The following MAPK8 variants were observed in gnomAD, a reference collection of about 807,000 sequenced individuals.
MAPK8 encodes the protein mitogen-activated protein kinase 8, also known as JUN N-terminal kinase.
Under a neutral mutation model 52.9 loss-of-function variants are expected in MAPK8, and 13 were observed. The observed-to-expected ratio is 0.25, with a 90% CI of 0.16 to 0.39. The LOEUF (loss-of-function observed/expected upper bound fraction) is 0.39. Among genes scored for constraint, MAPK8 ranks in the 10% least tolerant of loss-of-function variants. The pLI is 1.00. For missense variants in MAPK8, 300 were observed against 519.2 expected, an observed-to-expected ratio of 0.58 and a Z score of 4.10; for synonymous variants, 191 against 169.8, an observed-to-expected ratio of 1.12 and a Z score of -0.97.
intron 1 of MAPK8, among the ~76,000 whole-genome samples, chr10:48,371,645 A>G (rs1309873573): frequency 6.6e-6 from 1 of 152,106 alleles, no homozygotes; most frequent in Non-Finnish European, 1.5e-5. Context: ...ACAGACACCA[A>G]CTGGGTGTCT....
At chr10:48,431,297 G>A in intron 11 of MAPK8, 27 bp downstream of exon 11, 2 of 1,501,402 alleles carry the variant, frequency 1.3e-6, no homozygotes, top group Non-Finnish European at 1.8e-6. Context: ...GCTTGGTTAA[G>A]ATTACAGTTT....
Position 48,424,134 on chromosome 10 carries a change from C to T in MAPK8, c.663C>T (p.His221=). The part of the protein sequence containing the change: ...VGCIMGEMVC[H]KILFPGRDYI... Reference sequence around the variant, plus strand: ...GCATTATGGGAGAAATGGTTTGCCACAAAATCCTCTTTCCAGGAAGGGACT... The same window carrying T: ...GCATTATGGGAGAAATGGTTTGCCATAAAATCCTCTTTCCAGGAAGGGACT... Residue 221 remains histidine (H), a synonymous_variant, in exon 7 of 12, where the codon CAC becomes CAT. Coordinates refer to ENST00000374189, the MANE Select transcript of MAPK8 (RefSeq NM_001323329.2). 1.2e-6 allele frequency: 2 copies of T among 1,613,226 alleles called. No individual in the cohort carries two copies. The highest frequency in any genetic ancestry group is 1.7e-6 in the Non-Finnish European group (2 of 1,179,436).
At chr10:48,327,002 T>C (rs978781593) in intron 1 of MAPK8, among the ~76,000 whole-genome samples, 3 of 152,250 alleles carry the variant, frequency 2.0e-5, no homozygotes, top group Non-Finnish European at 4.4e-5. Context: ...GACAATCATG[T>C]CATCTGCAAA....
chr10:48,313,867 T>C (rs1032894231), intron 1 of MAPK8, among the ~76,000 whole-genome samples: 2 of 152,260 alleles, frequency 1.3e-5, no homozygotes, highest in African/African-American at 4.8e-5. Context: ...GTGATTCTCC[T>C]GCCTCAGCCT....
intron 3 of MAPK8, among the ~76,000 whole-genome samples, chr10:48,409,298 T>G (rs192221562): frequency 1.4e-3 from 210 of 152,316 alleles, no homozygotes; most frequent in African/African-American, 4.6e-3. Context: ...ACCCTGAGCC[T>G]TCTTTTGTAA....
intron 1 of MAPK8, among the ~76,000 whole-genome samples, chr10:48,369,002 C>T (rs1848313747): frequency 6.6e-6 from 1 of 152,136 alleles, no homozygotes; most frequent in African/African-American, 2.4e-5. Context: ...CAGTTGTCTA[C>T]CCTTGGTTTA....
intron 1 of MAPK8, among the ~76,000 whole-genome samples, chr10:48,367,035 T>A (rs950351489): frequency 6.6e-6 from 1 of 152,210 alleles, no homozygotes; most frequent in Non-Finnish European, 1.5e-5. Context: ...AAATTTAATA[T>A]TGATTGAGGT....
At chr10:48,346,020 T>C (rs117736237) in intron 1 of MAPK8, among the ~76,000 whole-genome samples, 1,534 of 152,264 alleles carry the variant, frequency 0.01, 18 homozygotes, top group Non-Finnish European at 0.015. Flanking sequence ...GCAGAGCCAA[T>C]ATGGGAAGCA....
chr10:48,356,218 A>G (rs1370226826), intron 1 of MAPK8, among the ~76,000 whole-genome samples: 4 of 152,212 alleles, frequency 2.6e-5, no homozygotes, highest in African/African-American at 7.2e-5. Context: ...ATATATGTCA[A>G]TGATAGCACG....
intron 10 of MAPK8, chr10:48,429,885 T>C (rs889901705): frequency 6.6e-6 from 1 of 152,208 alleles, no homozygotes; most frequent in African/African-American, 2.4e-5. Flanking sequence ...TGAAATTCGA[T>C]GCAATATTTT....
rs182284503 is a variant in MAPK8, at chr10:48,310,977, A to G, written c.-50+4156A>G. Among the ~76,000 whole-genome samples the G allele has an allele frequency of 2.1e-5, 3 of 146,298 alleles. No homozygotes were observed. In the Admixed American group the frequency reaches 2.1e-4, roughly 10 times the overall value. On this transcript the variant is annotated intron_variant, in intron 1 of 11. Transcript: ENST00000374189. ...ACAATGATTGCTAGCGTGGGTTTTA[A>G]GGTCAGCCCTGAGTTCTAATCGTGC...
At chr10:48,326,328 T>G (rs1433100841) in intron 1 of MAPK8, among the ~76,000 whole-genome samples, 1 of 152,238 alleles carries the variant, frequency 6.6e-6, no homozygotes, top group Non-Finnish European at 1.5e-5. Flanking sequence ...TTGTTTCAGA[T>G]TTGGCCATTG....
At chr10:48,424,190 GT>G in intron 7 of MAPK8, 31 bp downstream of exon 7, 1 of 1,572,380 alleles carries the variant, frequency 6.4e-7, no homozygotes, top group Non-Finnish European at 8.7e-7. Flanking sequence ...CAGTTAATTA[GT>G]TAGGCGATGA....
chr10:48,427,867 G>C (rs569308941), intron 10 of MAPK8, among the ~76,000 whole-genome samples: 1 of 152,244 alleles, frequency 6.6e-6, no homozygotes, highest in East Asian at 1.9e-4. Context: ...TTAGTGTTCT[G>C]CTGTATGAAT....
intron 2 of MAPK8, among the ~76,000 whole-genome samples, chr10:48,402,593 CA>C (rs1198758100): frequency 2.0e-5 from 3 of 152,180 alleles, no homozygotes; most frequent in African/African-American, 4.8e-5. Context: ...ACTAAATTAG[CA>C]TAATAATAAA....
In MAPK8 at chr10:48,388,301, G is replaced by A. The variant is rs1276792061; in HGVS notation, c.-49-13311G>A. 3.9e-5 allele frequency among the ~76,000 whole-genome samples: 6 copies of A among 152,028 alleles called. No individual in the cohort carries two copies. The East Asian group carries it at 5.8e-4, about 15-fold the overall frequency. On this transcript the variant is annotated intron_variant, in intron 1 of 11. Transcript: ENST00000374189. The stretch of plus-strand genomic sequence containing the variant: ...AAATTCTAAGGTTAGCCATTAAGTA[G>A]GTTTATGATAAAACTTTGTTTTATT...
At chr10:48,434,080 A>G (rs990520235) in intron 11 of MAPK8, among the ~76,000 whole-genome samples, 1 of 152,186 alleles carries the variant, frequency 6.6e-6, no homozygotes, top group African/African-American at 2.4e-5. Flanking sequence ...AATCCCCTTG[A>G]GAGGATTTCT....
chr10:48,381,869 C>T (rs1377996795), intron 1 of MAPK8, among the ~76,000 whole-genome samples: 1 of 152,156 alleles, frequency 6.6e-6, no homozygotes, highest in African/African-American at 2.4e-5. Flanking sequence ...CACAGATACC[C>T]TTCCTAATGT....
intron 1 of MAPK8, among the ~76,000 whole-genome samples, chr10:48,389,643 C>T (rs1265396693): frequency 1.3e-5 from 2 of 152,162 alleles, no homozygotes; most frequent in Non-Finnish European, 2.9e-5. Context: ...ACAGTTTGTT[C>T]ACTTGTTCAT....
Sources: gnomAD v4.1 joint callset for allele counts (sites outside exome capture counted in the v4.1 genomes callset) on GRCh38, gnomAD v4.1.1 for gene constraint, MANE v1.5 for transcripts, NCBI Gene and HGNC (gene_info 2026-07-23, HGNC 2026-07-21) for gene names.